Variants in ZCCHC14 observed in about 807,000 individuals in gnomAD.
The protein encoded by ZCCHC14 is zinc finger CCHC domain-containing protein 14.
A neutral mutation model predicts 85.0 loss-of-function variants in ZCCHC14; 16 were observed. The ratio of observed to expected loss-of-function variants is 0.19; its 90% CI spans 0.13 to 0.29. ZCCHC14 has a LOEUF of 0.29. ZCCHC14 is among the 10% of genes least tolerant of loss of function. The pLI is 1.00. For synonymous variants in ZCCHC14, 775 were observed against 630.7 expected (o/e 1.23, Z -3.43); for missense variants, 1,303 against 1,443.5 (o/e 0.90, Z 1.58).
chr16:87,488,037 G>C (rs1912593572), intron 1 of ZCCHC14, among the ~76,000 whole-genome samples: 1 of 152,216 alleles, frequency 6.6e-6, no homozygotes, highest in African/African-American at 2.4e-5. Flanking sequence ...GAAACGTTCA[G>C]TGGCAGTGGT....
chr16:87,457,409 A>G (rs770785198), intron 2 of ZCCHC14, among the ~76,000 whole-genome samples: 30 of 152,090 alleles, frequency 2.0e-4, no homozygotes, highest in Non-Finnish European at 4.1e-4. Context: ...CTTATCTGTG[A>G]CTCAGTTCTC....
rs1418693487 is a variant in ZCCHC14, at chr16:87,408,641, CTAAAA to C, written c.*1634_*1638del. 1 of 152,508 alleles carries C rather than the reference CTAAAA, an allele frequency of 6.6e-6. No homozygotes were observed. The highest frequency in any genetic ancestry group is 1.9e-4 in the East Asian group (1 of 5,206). 9.4% of individuals were successfully genotyped at this position (152,508 alleles called of 1,614,324 possible). On this transcript the variant is annotated 3_prime_UTR_variant, in exon 13 of 13. Coordinates refer to ENST00000671377, the MANE Select transcript of ZCCHC14 (RefSeq NM_015144.3). ...TGCATTGCATAGAAATAAAATTCAA[CTAAAA>C]TAAAACTAAAAAATTCTACTAAAAG...
At chr16:87,434,167 G>A (rs764158599) in intron 2 of ZCCHC14, among the ~76,000 whole-genome samples, 1 of 152,202 alleles carries the variant, frequency 6.6e-6, no homozygotes, top group African/African-American at 2.4e-5. Context: ...ACACTGGTGC[G>A]TGTTTTTCTC....
intron 2 of ZCCHC14, among the ~76,000 whole-genome samples, chr16:87,447,748 A>G (rs1285618067): frequency 6.6e-6 from 1 of 152,210 alleles, no homozygotes; most frequent in African/African-American, 2.4e-5. Context: ...GGAATATAAG[A>G]TACATTTATC....
chr16:87,436,356 G>A (rs569918442), intron 2 of ZCCHC14, among the ~76,000 whole-genome samples: 25 of 152,388 alleles, frequency 1.6e-4, no homozygotes, highest in African/African-American at 5.8e-4. Flanking sequence ...CAGGAGCGAC[G>A]CAGCGAGGCT....
At chr16:87,431,657 T>C (rs1909669243) in intron 3 of ZCCHC14, among the ~76,000 whole-genome samples, 1 of 152,168 alleles carries the variant, frequency 6.6e-6, no homozygotes, top group Non-Finnish European at 1.5e-5. Context: ...TATGACCATA[T>C]GCGAAGACAG....
In ZCCHC14 at chr16:87,408,468, G is replaced by T. The variant is rs1908298727; in HGVS notation, c.*1812C>A. ...GTCTAGTACTCTTTAAGGCAAAGTT[G>T]TGTCAGTTCTCATTATTTTGACATT... On this transcript the variant is annotated 3_prime_UTR_variant, in exon 13 of 13. Transcript: ENST00000671377. The T allele has an allele frequency of 6.6e-6, 1 of 152,552 alleles. No homozygotes were observed. Among genetic ancestry groups the T allele is most frequent in the South Asian group, 2.1e-4 (1 of 4,834 alleles). The allele number at this position is 152,552 out of a possible 1,614,324, so 9.4% of individuals were successfully genotyped here. A position where few individuals can be genotyped will look rare whatever the true frequency, so the allele number is the denominator to read the frequency against.
At chr16:87,468,148 A>C (rs1049702420) in intron 1 of ZCCHC14, among the ~76,000 whole-genome samples, 1 of 152,216 alleles carries the variant, frequency 6.6e-6, no homozygotes, top group Non-Finnish European at 1.5e-5. Context: ...TGTTCTCTAA[A>C]GATTCATGTG....
At chr16:87,410,741 C>T (rs946392449) in intron 12 of ZCCHC14, among the ~76,000 whole-genome samples, 6 of 152,166 alleles carry the variant, frequency 3.9e-5, no homozygotes, top group Non-Finnish European at 7.3e-5. Context: ...CATGGCAGAG[C>T]GCCTGTCAAC....
At chr16:87,451,064 A>G (rs1216784026) in intron 2 of ZCCHC14, among the ~76,000 whole-genome samples, 2 of 148,720 alleles carry the variant, frequency 1.3e-5, no homozygotes, top group African/African-American at 2.5e-5. Context: ...ATGCCCGGCT[A>G]ATTTTTTGTA....
chr16:87,436,986 G>A (rs1220319109), intron 2 of ZCCHC14, among the ~76,000 whole-genome samples: 1 of 152,082 alleles, frequency 6.6e-6, no homozygotes, highest in Non-Finnish European at 1.5e-5. Context: ...CAGTGTGGCC[G>A]CCTTCCCCTC....
chr16:87,491,933 C>G lies in ZCCHC14; in HGVS notation c.306G>C (p.Ala102=). 6.8e-7 allele frequency: 1 copy of G among 1,463,246 alleles called. No individual in the cohort carries two copies. Among genetic ancestry groups the G allele is most frequent in the East Asian group, 2.8e-5 (1 of 35,246 alleles). The allele number at this position is 1,463,246 out of a possible 1,614,324, so 90.6% of individuals were successfully genotyped here. A position where few individuals can be genotyped will look rare whatever the true frequency, so the allele number is the denominator to read the frequency against. The part of the protein sequence containing the change: ...ALLGSEQREA[A]GVLYRTLTHI... ...GCGTGAGCGTGCGGTAGAGCACGCC[C>G]GCCGCCTCGCGCTGCTCCGAGCCCA... The change falls in exon 1 of 13, where the codon GCG becomes GCC. Residue 102 remains alanine (A), a synonymous_variant. Coordinates refer to ENST00000671377, the MANE Select transcript of ZCCHC14 (RefSeq NM_015144.3). This position sits in a 1 kb window ranked among gnomAD's most constrained non-coding sequence, Gnocchi z 5.9.
chr16:87,433,372 G>A (rs906470312), intron 2 of ZCCHC14, among the ~76,000 whole-genome samples, 171 bp from the exon 3 acceptor site: 1 of 152,164 alleles, frequency 6.6e-6, no homozygotes, highest in African/African-American at 2.4e-5. Flanking sequence ...GAAGGCGGGC[G>A]GCAGCACCAA....
At position 87,412,642 on chromosome 16, in the gene ZCCHC14, G is replaced by A. The variant is rs777271470; in HGVS notation, c.2079C>T (p.Gly693=). 1.3e-5 allele frequency: 21 copies of A among 1,614,206 alleles called. No individual in the cohort carries two copies. The highest frequency in any genetic ancestry group is 1.8e-5 in the Non-Finnish European group (21 of 1,180,036). ...RSSMKVDKSF[G]SAMMDVLPAS... is the part of the protein sequence containing the mutation. Reference sequence around the variant, plus strand: ...CGGGCAGCACGTCCATCATGGCGCTGCCAAAGCTCTTGTCCACTTTCATGC... The same window carrying A: ...CGGGCAGCACGTCCATCATGGCGCTACCAAAGCTCTTGTCCACTTTCATGC... The change falls in exon 12 of 13, where the codon GGC becomes GGT. Residue 693 remains glycine, a synonymous_variant. Transcript: ENST00000671377.
intron 12 of ZCCHC14, among the ~76,000 whole-genome samples, chr16:87,411,093 A>G (rs542780348): frequency 3.9e-4 from 60 of 152,358 alleles, no homozygotes; most frequent in African/African-American, 1.4e-3. Flanking sequence ...ACAGCCCCCC[A>G]CACCCACAGC....
chr16:87,473,268 T>A (rs1212963609), intron 1 of ZCCHC14: 1 of 151,784 alleles, frequency 6.6e-6, no homozygotes, highest in African/African-American at 2.4e-5. Flanking sequence ...AACGGTACGA[T>A]CTCAGCTCAC....
At chr16:87,425,992 T>C (rs1427945319) in intron 3 of ZCCHC14, among the ~76,000 whole-genome samples, 2 of 152,232 alleles carry the variant, frequency 1.3e-5, no homozygotes, top group Non-Finnish European at 2.9e-5. Context: ...TACACAGGAC[T>C]CTTCTACTTT....
chr16:87,445,700 G>C (rs1294782252), intron 2 of ZCCHC14, among the ~76,000 whole-genome samples: 1 of 152,090 alleles, frequency 6.6e-6, no homozygotes. Flanking sequence ...ATGACGCGCC[G>C]ACCTGAGAAA....
intron 1 of ZCCHC14, chr16:87,472,384 GC>G (rs1911810374): frequency 6.6e-6 from 1 of 152,308 alleles, no homozygotes; most frequent in Non-Finnish European, 1.5e-5. Context: ...AACAGCAAGC[GC>G]CCATTCCACA....
Sources: allele counts gnomAD v4.1 joint callset (sites outside exome capture counted in the v4.1 genomes callset), GRCh38; gene constraint gnomAD v4.1.1; non-coding constraint Gnocchi (gnomAD v3.1); transcripts MANE v1.5; gene names NCBI Gene and HGNC (gene_info 2026-07-23, HGNC 2026-07-21).